RBFOX1: variants seen among roughly 807,000 people sequenced by gnomAD.
RBFOX1 encodes RNA binding fox-1 homolog 1, also known as RNA binding protein fox-1 homolog 1.
Under a neutral mutation model 57.7 loss-of-function variants are expected in RBFOX1, and 8 were observed. The observed-to-expected ratio is 0.14, with a 90% CI of 0.08 to 0.25. The LOEUF is 0.25. RBFOX1 is among the 10% of genes least tolerant of loss of function. The pLI is 1.00. For synonymous variants in RBFOX1, 326 were observed against 222.4 expected (o/e 1.47, Z -4.15); for missense variants, 611 against 548.5 (o/e 1.11, Z -1.14).
At chr16:5,520,080 G>A (rs1352562786) in intron 2 of RBFOX1, among the ~76,000 whole-genome samples, 1 of 152,178 alleles carries the variant, frequency 6.6e-6, no homozygotes, top group Non-Finnish European at 1.5e-5. Context: ...AGGATGTGAT[G>A]GAATCATTTA....
chr16:6,233,465 T>C (rs1479764874), intron 1 of RBFOX1, among the ~76,000 whole-genome samples: 4 of 152,064 alleles, frequency 2.6e-5, no homozygotes, highest in African/African-American at 7.2e-5. Flanking sequence ...TATTACCCCA[T>C]AGGCAGCCTT....
chr16:6,019,224 C>G lies in RBFOX1; in HGVS notation c.-895C>G, dbSNP rs1292320872. On this transcript the variant is annotated 5_prime_UTR_variant, in exon 1 of 16. Coordinates refer to ENST00000550418, the MANE Select transcript of RBFOX1 (RefSeq NM_018723.4). This position sits in a 1 kb window ranked among gnomAD's most constrained non-coding sequence, Gnocchi z 4.2. ...CCCTCCTACAAGCGCTCTTGCTGGCCGTCTGGGTGCACACACCGCTCCCTC... is the reference window on the plus strand; with the variant it reads ...CCCTCCTACAAGCGCTCTTGCTGGCGGTCTGGGTGCACACACCGCTCCCTC... 1.0e-6 allele frequency: 1 copy of G among 985,196 alleles called. No individual in the cohort carries two copies. The highest frequency in any genetic ancestry group is 1.2e-6 in the Non-Finnish European group (1 of 829,988). The allele number at this position is 985,196 out of a possible 1,614,324, so 61.0% of individuals were successfully genotyped here. A position where few individuals can be genotyped will look rare whatever the true frequency, so the allele number is the denominator to read the frequency against.
intron 2 of RBFOX1, among the ~76,000 whole-genome samples, chr16:6,365,750 G>A (rs2089488629): frequency 6.6e-6 from 1 of 152,178 alleles, no homozygotes; most frequent in Non-Finnish European, 1.5e-5. Context: ...TTTAGCTTGA[G>A]TACCTTTGCT....
intron 2 of RBFOX1, among the ~76,000 whole-genome samples, chr16:5,582,294 G>GT (rs2046694246): frequency 6.6e-6 from 1 of 152,154 alleles, no homozygotes. Flanking sequence ...AGCAAGCTGA[G>GT]TTAAAGAGTG....
intron 1 of RBFOX1, among the ~76,000 whole-genome samples, chr16:6,263,776 C>G (rs1172545668): frequency 6.6e-6 from 1 of 152,134 alleles, no homozygotes; most frequent in Non-Finnish European, 1.5e-5. Flanking sequence ...TTTTAAATAT[C>G]TTGATGTCTT....
At chr16:6,004,236 C>G (rs555605696) in intron 4 of RBFOX1, among the ~76,000 whole-genome samples, 1 of 152,194 alleles carries the variant, frequency 6.6e-6, no homozygotes, top group African/African-American at 2.4e-5. Flanking sequence ...AATACCTGCT[C>G]TACAGCCTGA....
chr16:6,882,090 C>T (rs1225527967), intron 3 of RBFOX1, among the ~76,000 whole-genome samples: 3 of 152,124 alleles, frequency 2.0e-5, no homozygotes, highest in East Asian at 3.9e-4. Flanking sequence ...GCCCCCTATT[C>T]CCTGCAGGTT....
chr16:6,047,094 A>T (rs1413198433), intron 1 of RBFOX1, among the ~76,000 whole-genome samples: 1 of 152,230 alleles, frequency 6.6e-6, no homozygotes, highest in African/African-American at 2.4e-5. Flanking sequence ...AGGATGCATT[A>T]TCATATGGAA....
intron 4 of RBFOX1, among the ~76,000 whole-genome samples, chr16:7,430,216 C>G (rs1414031438): frequency 6.6e-6 from 1 of 152,194 alleles, no homozygotes; most frequent in Non-Finnish European, 1.5e-5. Context: ...AGTAACTATT[C>G]CAGCCTCATG....
chr16:6,861,390 C>T (rs765109580), intron 3 of RBFOX1, among the ~76,000 whole-genome samples: 1 of 152,018 alleles, frequency 6.6e-6, no homozygotes, highest in South Asian at 2.1e-4. Context: ...AAAGATGGAC[C>T]AGTCAAGCAG....
intron 4 of RBFOX1, among the ~76,000 whole-genome samples, chr16:7,238,467 C>A (rs1040179621): frequency 2.0e-5 from 3 of 152,052 alleles, no homozygotes; most frequent in Non-Finnish European, 2.9e-5. Context: ...TGGTTGTTTC[C>A]CCTTCCTGCA....
intron 4 of RBFOX1, among the ~76,000 whole-genome samples, chr16:7,335,503 A>G (rs890130531): frequency 6.6e-6 from 1 of 150,594 alleles, no homozygotes; most frequent in Non-Finnish European, 1.5e-5. Context: ...ATTTTGTGGC[A>G]GAGTGCTCCC....
chr16:6,859,127 A>ATATATATG (rs1555536694), intron 3 of RBFOX1, among the ~76,000 whole-genome samples: 2 of 67,914 alleles, frequency 2.9e-5, no homozygotes, highest in East Asian at 5.6e-4. Flanking sequence ...ATATATATAT[A>ATATATATG]TACATATATA....
At chr16:5,833,218 G>A (rs185300348) in intron 3 of RBFOX1, among the ~76,000 whole-genome samples, 3 of 152,264 alleles carry the variant, frequency 2.0e-5, no homozygotes, top group Admixed American at 6.5e-5. Flanking sequence ...ATCTGGCCAG[G>A]CGTGGTGGCT....
chr16:6,450,794 T>TATGTATATATATATAC (rs2094583911), intron 2 of RBFOX1, among the ~76,000 whole-genome samples: 1 of 16,602 alleles, frequency 6.0e-5, no homozygotes, highest in African/African-American at 4.2e-4. Context: ...TATATACATA[T>TATGTATATATATATAC]ATATATGTAT....
chr16:6,989,316 A>T (rs569104715), intron 3 of RBFOX1, among the ~76,000 whole-genome samples: 22 of 152,324 alleles, frequency 1.4e-4, no homozygotes, highest in African/African-American at 5.3e-4. Flanking sequence ...ATTTACAATT[A>T]TATGTGCTTC....
rs541841139 is a variant in RBFOX1, at chr16:6,854,218, C to G, written c.-15-197839C>G. Among the ~76,000 whole-genome samples, 3 of 152,256 alleles carry G rather than the reference C, an allele frequency of 2.0e-5. No individual in the cohort carries two copies. In the East Asian group the frequency reaches 5.8e-4, roughly 29 times the overall value. ...TAGACAGAGCTTGCATTCATCTTCA[C>G]TGAGTTCCATTAACACGGAGGGACA... On this transcript the variant is annotated intron_variant, in intron 3 of 15. Transcript: ENST00000550418.
intron 2 of RBFOX1, among the ~76,000 whole-genome samples, chr16:5,474,847 T>A (rs1355580574): frequency 6.6e-6 from 1 of 152,234 alleles, no homozygotes; most frequent in African/African-American, 2.4e-5. Flanking sequence ...CCGTACATAT[T>A]CTGAGCCCAT....
At chr16:5,790,428 C>T (rs2054651038) in intron 3 of RBFOX1, among the ~76,000 whole-genome samples, 1 of 151,698 alleles carries the variant, frequency 6.6e-6, no homozygotes, top group Non-Finnish European at 1.5e-5. Flanking sequence ...GTGCCTCCTT[C>T]CACTCCAGAA....
Sources: gnomAD v4.1 joint callset for allele counts (sites outside exome capture counted in the v4.1 genomes callset) on GRCh38, gnomAD v4.1.1 for gene constraint, Gnocchi (gnomAD v3.1) non-coding constraint, MANE v1.5 for transcripts, NCBI Gene and HGNC (gene_info 2026-07-23, HGNC 2026-07-21) for gene names.